The following AP3B1 variants were observed in gnomAD, a reference collection of about 807,000 sequenced individuals.
The protein encoded by AP3B1 is AP-3 complex subunit beta-1.
A neutral mutation model predicts 132.5 loss-of-function variants in AP3B1; 61 were observed. That is an observed-to-expected ratio of 0.46 (90% CI 0.37 to 0.57). The LOEUF is 0.57. AP3B1 is among the 20% of genes least tolerant of loss of function. The pLI, the probability that AP3B1 is intolerant of heterozygous loss-of-function variation, is 0.00. For synonymous variants in AP3B1, 388 were observed against 438.3 expected (o/e 0.89, Z 1.43); for missense variants, 1,120 against 1,289.4 (o/e 0.87, Z 2.01).
At chr5:78,223,027 C>CTCTTTTTTTTTTTCT (rs66493022) in intron 6 of AP3B1, among the ~76,000 whole-genome samples, 1 of 127,818 alleles carries the variant, frequency 7.8e-6, no homozygotes, top group East Asian at 2.3e-4. Flanking sequence ...TTGTTTGTTT[C>CTCTTTTTTTTTTTCT]TTTTTTTTTT....
intron 1 of AP3B1, among the ~76,000 whole-genome samples, chr5:78,269,587 T>C (rs1424580217): frequency 3.3e-5 from 5 of 152,182 alleles, no homozygotes; most frequent in Non-Finnish European, 7.4e-5. Context: ...CTATAATCCA[T>C]AACTCATTAA....
intron 1 of AP3B1, among the ~76,000 whole-genome samples, chr5:78,280,183 CAAG>C (rs936874700): frequency 2.0e-5 from 3 of 151,356 alleles, no homozygotes; most frequent in Middle Eastern, 3.2e-3. Flanking sequence ...TCTATAATCA[CAAG>C]AAGAACTTTT....
chr5:78,079,873 A>G (rs1172263330), intron 22 of AP3B1, among the ~76,000 whole-genome samples: 5 of 152,224 alleles, frequency 3.3e-5, no homozygotes, highest in Admixed American at 3.3e-4. Flanking sequence ...AGAGGTAACC[A>G]GAATTTGGAT....
intron 2 of AP3B1, among the ~76,000 whole-genome samples, chr5:78,242,985 G>A (rs1395838829): frequency 1.3e-5 from 2 of 152,116 alleles, no homozygotes; most frequent in Non-Finnish European, 2.9e-5. Context: ...TACAACAAAT[G>A]TTATATAAAT....
chr5:78,009,700 T>C (rs922277389), intron 26 of AP3B1, among the ~76,000 whole-genome samples: 1 of 148,374 alleles, frequency 6.7e-6, no homozygotes, highest in Non-Finnish European at 1.5e-5. Flanking sequence ...TATCCACAAG[T>C]TGCATATGGT....
chr5:78,010,503 T>C (rs1312146532), intron 26 of AP3B1, among the ~76,000 whole-genome samples: 4 of 152,194 alleles, frequency 2.6e-5, no homozygotes, highest in Admixed American at 1.3e-4. Context: ...ATGTTTTTTG[T>C]TTTCTGCTTT....
intron 7 of AP3B1, among the ~76,000 whole-genome samples, chr5:78,195,820 A>AAAAAAT (rs913311722): frequency 2.0e-5 from 3 of 152,108 alleles, no homozygotes; most frequent in African/African-American, 7.2e-5. Context: ...ACTCCATCTC[A>AAAAAAT]AAAAATAAAA....
intron 15 of AP3B1, among the ~76,000 whole-genome samples, chr5:78,139,548 A>G: frequency 6.6e-6 from 1 of 152,250 alleles, no homozygotes; most frequent in East Asian, 1.9e-4. Context: ...AATATGCTCC[A>G]TTATTTGCAA....
At chr5:78,126,504 CAAAAAAAAAAAAAAAAAAA>C (rs70997969) in intron 17 of AP3B1, among the ~76,000 whole-genome samples, 1 of 62,398 alleles carries the variant, frequency 1.6e-5, no homozygotes, top group Non-Finnish European at 2.8e-5. Context: ...GACTCTGTCT[CAAAAAAAAAAAAAAAAAAA>C]AAAAAAAAAA....
intron 3 of AP3B1, among the ~76,000 whole-genome samples, chr5:78,230,280 T>G (rs1580518040): frequency 6.6e-6 from 1 of 152,206 alleles, no homozygotes; most frequent in African/African-American, 2.4e-5. Context: ...TTAAGATAAT[T>G]TGAGATGATA....
intron 1 of AP3B1, among the ~76,000 whole-genome samples, chr5:78,283,561 A>ATGGC (rs1477602451): frequency 1.3e-5 from 2 of 152,282 alleles, no homozygotes; most frequent in African/African-American, 4.8e-5. Flanking sequence ...TTTCCACTCA[A>ATGGC]TGGCTCCAAC....
intron 8 of AP3B1, among the ~76,000 whole-genome samples, chr5:78,180,911 G>T (rs1404475260): frequency 6.6e-6 from 1 of 151,448 alleles, no homozygotes; most frequent in Non-Finnish European, 1.5e-5. Context: ...AAATATAAAT[G>T]GTTATATAAA....
chr5:78,101,106 C>CT (rs765351238), intron 20 of AP3B1, 81 bp from the exon 21 acceptor site: 15 of 802,290 alleles, frequency 1.9e-5, no homozygotes, highest in Middle Eastern at 2.3e-4. Context: ...CCAAAACAAA[C>CT]TTTTTTTTCC....
intron 17 of AP3B1, among the ~76,000 whole-genome samples, chr5:78,126,495 ACT>A (rs1244630676): frequency 9.9e-6 from 1 of 101,444 alleles, no homozygotes; most frequent in Non-Finnish European, 2.1e-5. Context: ...ACAGAGCAAG[ACT>A]CTGTCTCAAA....
chr5:78,096,580 G>A (rs1349700723), intron 21 of AP3B1, among the ~76,000 whole-genome samples: 72 of 150,846 alleles, frequency 4.8e-4, no homozygotes, highest in Middle Eastern at 3.5e-3. Context: ...GTCTCTGCCC[G>A]GCCGCCCATC....
chr5:78,141,245 A>T lies in AP3B1; in HGVS notation c.1548T>A (p.Asp516Glu), dbSNP rs1561435118. ...AGCTTTTAGCCATCTTCCTCAAAACATCAGGGGCAATTTTAGGAACTCGTT... is the reference window on the plus strand; with the variant it reads ...AGCTTTTAGCCATCTTCCTCAAAACTTCAGGGGCAATTTTAGGAACTCGTT... ...NCERVPKIAP[D>E]VLRKMAKSFT... is the part of the protein sequence containing the mutation. Residue 516 changes from aspartate to glutamate, a missense_variant, in exon 15 of 27, where the codon GAT (aspartate) becomes GAA (glutamate). By Grantham distance (45) the Asp-to-Glu change is conservative. Coordinates refer to ENST00000255194, the MANE Select transcript of AP3B1 (RefSeq NM_003664.5). 2 of 1,613,738 alleles carry T rather than the reference A, an allele frequency of 1.2e-6. No homozygotes were observed. The highest frequency in any genetic ancestry group is 1.7e-6 in the Non-Finnish European group (2 of 1,179,808).
chr5:78,144,410 G>A (rs1411005074), intron 14 of AP3B1, among the ~76,000 whole-genome samples: 1 of 152,190 alleles, frequency 6.6e-6, no homozygotes, highest in African/African-American at 2.4e-5. Flanking sequence ...CACTCTGTAA[G>A]CAGTTCAATT....
intron 14 of AP3B1, among the ~76,000 whole-genome samples, chr5:78,154,925 ATCTC>A (rs1743084222): frequency 6.6e-6 from 1 of 152,172 alleles, no homozygotes; most frequent in South Asian, 2.1e-4. Flanking sequence ...AGGGTCACGT[ATCTC>A]TCTGTTTCTC....
chr5:78,237,708 G>A (rs1265554827), intron 3 of AP3B1, among the ~76,000 whole-genome samples: 1 of 152,100 alleles, frequency 6.6e-6, no homozygotes, highest in Non-Finnish European at 1.5e-5. Flanking sequence ...AGCTGCTCGG[G>A]AGGCTGAGGC....
Sources: gnomAD v4.1 joint callset for allele counts (sites outside exome capture counted in the v4.1 genomes callset) on GRCh38, gnomAD v4.1.1 for gene constraint, MANE v1.5 for transcripts, NCBI Gene and HGNC (gene_info 2026-07-23, HGNC 2026-07-21) for gene names.